The following CSMD1 variants were observed in gnomAD, a reference collection of about 807,000 sequenced individuals.
The protein encoded by CSMD1 is CUB and sushi domain-containing protein 1.
CSMD1 carries 213 observed loss-of-function variants against 417.5 expected under a neutral mutation model. The ratio of observed to expected loss-of-function variants is 0.51; its 90% confidence interval spans 0.46 to 0.57. The LOEUF (loss-of-function observed/expected upper bound fraction) is 0.57. Among genes scored for constraint, CSMD1 ranks in the 20% least tolerant of loss-of-function variants. The pLI, the probability that CSMD1 is intolerant of heterozygous loss-of-function variation, is 0.00. For synonymous variants in CSMD1, 2,862 were observed against 1,736.8 expected (o/e 1.65, Z -16.11); for missense variants, 6,923 against 4,529.7 (o/e 1.53, Z -15.17).
At chr8:3,665,721 A>G (rs1186878914) in intron 7 of CSMD1, among the ~76,000 whole-genome samples, 3 of 151,688 alleles carry the variant, frequency 2.0e-5, no homozygotes, top group African/African-American at 7.3e-5. Context: ...ATCTTATCTC[A>G]AATGAATTAA....
At chr8:3,684,718 C>T (rs895165995) in intron 7 of CSMD1, among the ~76,000 whole-genome samples, 1 of 152,096 alleles carries the variant, frequency 6.6e-6, no homozygotes, top group African/African-American at 2.4e-5. Flanking sequence ...CTGCCTCAGC[C>T]TCCAGAGGAG....
intron 7 of CSMD1, among the ~76,000 whole-genome samples, chr8:3,672,986 T>G (rs1287053654): frequency 6.6e-6 from 1 of 152,238 alleles, no homozygotes; most frequent in African/African-American, 2.4e-5. Context: ...TGTAAGTACT[T>G]GTGTTGTAAC....
chr8:3,659,177 G>A (rs1042037911), intron 7 of CSMD1, among the ~76,000 whole-genome samples: 11 of 152,132 alleles, frequency 7.2e-5, no homozygotes, highest in African/African-American at 2.7e-4. Flanking sequence ...TCATTTCTAC[G>A]AAGCAAAATT....
intron 5 of CSMD1, among the ~76,000 whole-genome samples, chr8:3,823,823 A>C (rs1027211145): frequency 3.3e-5 from 5 of 152,162 alleles, no homozygotes; most frequent in Non-Finnish European, 7.3e-5. Flanking sequence ...CTTGATCATA[A>C]AGATGGTAAT....
At chr8:3,563,555 C>A in intron 10 of CSMD1, among the ~76,000 whole-genome samples, 1 of 137,012 alleles carries the variant, frequency 7.3e-6, no homozygotes, top group East Asian at 2.0e-4. Context: ...AAATACACAC[C>A]TCTTACTCAC....
chr8:4,543,287 T>C (rs1797481690), intron 2 of CSMD1, among the ~76,000 whole-genome samples: 2 of 152,108 alleles, frequency 1.3e-5, no homozygotes, highest in South Asian at 4.1e-4. Context: ...TCCCCAAAGC[T>C]TCACCTGTTC....
At position 4,244,228 on chromosome 8, in the gene CSMD1, G is replaced by T. The variant is rs774616543; in HGVS notation, c.415+175725C>A. ...AGACCAAGCAGCAGCAACAGTAACAGCTAGGCTTGAAACGTTCCACAGAGC... is the reference window on the plus strand; with the variant it reads ...AGACCAAGCAGCAGCAACAGTAACATCTAGGCTTGAAACGTTCCACAGAGC... On this transcript the variant is annotated intron_variant, in intron 3 of 69. Coordinates refer to ENST00000635120, the MANE Select transcript of CSMD1 (RefSeq NM_033225.6). 2.6e-5 allele frequency among the ~76,000 whole-genome samples: 4 copies of T among 152,150 alleles called. No individual in the cohort carries two copies. The South Asian group carries it at 8.3e-4, about 32-fold the overall frequency.
At chr8:3,411,367 C>G (rs923251621) in intron 12 of CSMD1, among the ~76,000 whole-genome samples, 3 of 119,386 alleles carry the variant, frequency 2.5e-5, no homozygotes, top group Non-Finnish European at 3.5e-5. Flanking sequence ...CTTTCCTTTT[C>G]TTTATTTCCA....
intron 52 of CSMD1, among the ~76,000 whole-genome samples, chr8:3,012,645 A>T (rs1808488383): frequency 6.6e-6 from 1 of 152,226 alleles, no homozygotes; most frequent in Admixed American, 6.5e-5. Context: ...AGCCCAAGGG[A>T]AGTTAATCTA....
At chr8:4,645,365 C>A (rs1028145484) in intron 1 of CSMD1, among the ~76,000 whole-genome samples, 2 of 131,142 alleles carry the variant, frequency 1.5e-5, no homozygotes, top group Admixed American at 9.3e-5. Context: ...GAAATTGTTG[C>A]ATTAATGGTA....
intron 1 of CSMD1, among the ~76,000 whole-genome samples, chr8:4,727,926 A>AATAT (rs555237526): frequency 1.4e-5 from 2 of 138,866 alleles, no homozygotes; most frequent in South Asian, 2.2e-4. Flanking sequence ...AAATACATCT[A>AATAT]ATATATATAT....
intron 10 of CSMD1, among the ~76,000 whole-genome samples, chr8:3,563,430 C>A (rs775790461): frequency 5.4e-5 from 3 of 55,854 alleles, no homozygotes; most frequent in African/African-American, 7.4e-5. Flanking sequence ...AAATAGGTAA[C>A]GTATTAAAAG....
intron 2 of CSMD1, among the ~76,000 whole-genome samples, chr8:4,489,607 T>C (rs888575984): frequency 6.6e-6 from 1 of 152,110 alleles, no homozygotes; most frequent in Non-Finnish European, 1.5e-5. Context: ...TTCTCTTTAG[T>C]GTGGCATGGC....
At chr8:3,462,445 A>G (rs1161914427) in intron 12 of CSMD1, among the ~76,000 whole-genome samples, 2 of 152,178 alleles carry the variant, frequency 1.3e-5, no homozygotes, top group Non-Finnish European at 2.9e-5. Context: ...CTCCCAGCAG[A>G]TCAGCAGCAA....
chr8:3,451,788 T>G (rs1406389442), intron 12 of CSMD1, among the ~76,000 whole-genome samples: 1 of 152,196 alleles, frequency 6.6e-6, no homozygotes, highest in East Asian at 1.9e-4. Context: ...AGGATTGACT[T>G]GTCGATGCGG....
In CSMD1 at chr8:4,430,689, G is replaced by C. The variant is rs1377162752; in HGVS notation, c.303-10624C>G. Among the ~76,000 whole-genome samples the C allele has an allele frequency of 3.3e-5, 5 of 152,124 alleles. No homozygotes were observed. The East Asian group carries it at 5.8e-4, about 18-fold the overall frequency. On this transcript the variant is annotated intron_variant, in intron 2 of 69. Coordinates refer to ENST00000635120, the MANE Select transcript of CSMD1 (RefSeq NM_033225.6). ...AGTTATAATTACAGTGTCTGTAATA[G>C]ACTATCGGAAACAAAAAATCTAAAG...
chr8:4,528,055 C>A (rs908565496), intron 2 of CSMD1, among the ~76,000 whole-genome samples: 1 of 152,142 alleles, frequency 6.6e-6, no homozygotes, highest in Non-Finnish European at 1.5e-5. Flanking sequence ...AAGCCTAGAG[C>A]CTTTCCCACC....
At chr8:4,214,793 A>G (rs1800534489) in intron 3 of CSMD1, among the ~76,000 whole-genome samples, 1 of 152,238 alleles carries the variant, frequency 6.6e-6, no homozygotes, top group Non-Finnish European at 1.5e-5. Flanking sequence ...CAAATGTAGT[A>G]TAACTTTAAG....
At chr8:3,945,894 T>C (rs1811189631) in intron 5 of CSMD1, among the ~76,000 whole-genome samples, 1 of 152,156 alleles carries the variant, frequency 6.6e-6, no homozygotes, top group African/African-American at 2.4e-5. Context: ...AAGAACGTAC[T>C]GACTATTCAC....
Sources: gnomAD v4.1 joint callset for allele counts (sites outside exome capture counted in the v4.1 genomes callset) on GRCh38, gnomAD v4.1.1 for gene constraint, MANE v1.5 for transcripts, NCBI Gene and HGNC (gene_info 2026-07-23, HGNC 2026-07-21) for gene names.